The following ZBTB20 variants were observed in gnomAD, a reference collection of about 807,000 sequenced individuals.
The protein encoded by ZBTB20 is zinc finger and BTB domain containing 20.
ZBTB20 carries 9 observed loss-of-function variants against 56.9 expected under a neutral mutation model. The ratio of observed to expected loss-of-function variants is 0.16; its 90% CI spans 0.10 to 0.28. The LOEUF (loss-of-function observed/expected upper bound fraction) is 0.28, where lower values mean the gene tolerates loss of function less well. ZBTB20 is among the 10% of genes least tolerant of loss of function. The pLI is 1.00. For synonymous variants in ZBTB20, 417 were observed against 420.7 expected (o/e 0.99, Z 0.11); for missense variants, 655 against 1,003.0 (o/e 0.65, Z 4.69).
chr3:114,915,818 A>C (rs1268146949), intron 3 of ZBTB20, among the ~76,000 whole-genome samples: 1 of 152,180 alleles, frequency 6.6e-6, no homozygotes, highest in East Asian at 1.9e-4. Context: ...TTCATTGACC[A>C]ACTGATCACT....
At chr3:114,644,162 G>A (rs2059710821) in intron 6 of ZBTB20, among the ~76,000 whole-genome samples, 1 of 152,004 alleles carries the variant, frequency 6.6e-6, no homozygotes, top group African/African-American at 2.4e-5. Flanking sequence ...GATTAAAAAT[G>A]AGAAATTTTA....
intron 5 of ZBTB20, among the ~76,000 whole-genome samples, chr3:114,731,483 G>A (rs2065746707): frequency 6.6e-6 from 1 of 152,056 alleles, no homozygotes; most frequent in Admixed American, 6.6e-5. Flanking sequence ...CTGGACTCAT[G>A]TCATCTGCAA....
intron 7 of ZBTB20, among the ~76,000 whole-genome samples, chr3:114,435,906 A>T (rs902549913): frequency 6.6e-6 from 1 of 152,178 alleles, no homozygotes; most frequent in Non-Finnish European, 1.5e-5. Flanking sequence ...TGGGGCCTAT[A>T]TACTGACTAA....
At chr3:114,498,125 G>T (rs2043497038) in intron 7 of ZBTB20, among the ~76,000 whole-genome samples, 3 of 152,118 alleles carry the variant, frequency 2.0e-5, no homozygotes. Flanking sequence ...AATCTGAATT[G>T]TATAGAGACC....
At chr3:114,554,319 A>AT (rs2050936884) in intron 6 of ZBTB20, among the ~76,000 whole-genome samples, 3 of 152,186 alleles carry the variant, frequency 2.0e-5, no homozygotes, top group Non-Finnish European at 4.4e-5. Flanking sequence ...ATGAGGTAAT[A>AT]TATAATCTTC....
intron 11 of ZBTB20, among the ~76,000 whole-genome samples, chr3:114,347,764 G>A (rs187031201): frequency 7.2e-4 from 109 of 152,292 alleles, no homozygotes; most frequent in Non-Finnish European, 1.1e-3. Context: ...GAATGAAAGG[G>A]AAGAGCATTA....
chr3:114,729,399 T>C (rs2065555475), intron 5 of ZBTB20, among the ~76,000 whole-genome samples: 1 of 152,230 alleles, frequency 6.6e-6, no homozygotes, highest in African/African-American at 2.4e-5. Context: ...CTTTGAAACT[T>C]CTGGAACAAA....
At chr3:115,003,433 T>C (rs2079337041) in intron 2 of ZBTB20, among the ~76,000 whole-genome samples, 1 of 151,424 alleles carries the variant, frequency 6.6e-6, no homozygotes, top group East Asian at 1.9e-4. Context: ...TTGTTTTTTG[T>C]TTGTTTGTTT....
chr3:114,773,144 A>G (rs2069339642), intron 5 of ZBTB20, among the ~76,000 whole-genome samples: 1 of 152,194 alleles, frequency 6.6e-6, no homozygotes, highest in Non-Finnish European at 1.5e-5. Flanking sequence ...ATAAGCATGA[A>G]AGTGGATTTT....
intron 3 of ZBTB20, among the ~76,000 whole-genome samples, chr3:114,970,676 G>A (rs753566125): frequency 1.6e-4 from 25 of 152,112 alleles, no homozygotes; most frequent in African/African-American, 5.8e-4. Context: ...AAGCCAATAA[G>A]GTCACAATCA....
intron 6 of ZBTB20, among the ~76,000 whole-genome samples, chr3:114,568,903 T>C (rs1173621605): frequency 6.6e-6 from 1 of 152,170 alleles, no homozygotes; most frequent in Non-Finnish European, 1.5e-5. Context: ...TTCATTTCTC[T>C]AAGATTCAAA....
At chr3:115,059,768 A>G (rs1469086297) in intron 2 of ZBTB20, among the ~76,000 whole-genome samples, 1 of 152,114 alleles carries the variant, frequency 6.6e-6, no homozygotes, top group Non-Finnish European at 1.5e-5. Context: ...GTACATTATG[A>G]TCAGGAAAGT....
At chr3:114,588,449 A>G (rs2055404401) in intron 6 of ZBTB20, among the ~76,000 whole-genome samples, 1 of 152,192 alleles carries the variant, frequency 6.6e-6, no homozygotes, top group African/African-American at 2.4e-5. Context: ...GGCAAATAAT[A>G]AACTCAGTGA....
rs2079157127 is a variant in ZBTB20, at chr3:114,329,215, GA to G, written c.*9789del. On this transcript the variant is annotated 3_prime_UTR_variant, in exon 12 of 12. Coordinates refer to ENST00000675478, the MANE Select transcript of ZBTB20 (RefSeq NM_001348800.3). ...GGATTAGAAAACAACAATCTATTAGGAAAGATGAAAGGAAGGAATTCCCCAG... is the reference window on the plus strand; with the variant it reads ...GGATTAGAAAACAACAATCTATTAGGAAGATGAAAGGAAGGAATTCCCCAG... 6.6e-6 allele frequency: 1 copy of G among 152,186 alleles called. No individual in the cohort carries two copies. The highest frequency in any genetic ancestry group is 2.4e-5 in the African/African-American group (1 of 41,436). 9.4% of individuals were successfully genotyped at this position (152,186 alleles called of 1,614,324 possible). A position where few individuals can be genotyped will look rare whatever the true frequency, so the allele number is the denominator to read the frequency against.
At chr3:115,062,148 G>C (rs1019233385) in intron 2 of ZBTB20, among the ~76,000 whole-genome samples, 1 of 152,104 alleles carries the variant, frequency 6.6e-6, no homozygotes, top group Admixed American at 6.6e-5. Flanking sequence ...CAGCCCCTTT[G>C]CCCTTCACTG....
At chr3:114,593,078 A>G (rs2107574899) in intron 6 of ZBTB20, among the ~76,000 whole-genome samples, 1 of 152,320 alleles carries the variant, frequency 6.6e-6, no homozygotes, top group South Asian at 2.1e-4. Flanking sequence ...TTATGGAGAC[A>G]TGTACAGCTA....
intron 2 of ZBTB20, among the ~76,000 whole-genome samples, chr3:115,035,570 C>A (rs932433937): frequency 4.6e-5 from 7 of 151,518 alleles, no homozygotes; most frequent in East Asian, 1.9e-4. Flanking sequence ...CACACACACA[C>A]AAAACAAGTT....
intron 5 of ZBTB20, among the ~76,000 whole-genome samples, chr3:114,786,436 T>G (rs1387979526): frequency 6.6e-6 from 1 of 152,084 alleles, no homozygotes; most frequent in Non-Finnish European, 1.5e-5. Context: ...AATGATGGTT[T>G]TCAGCTTCTT....
rs1039597301 is a variant in ZBTB20, at chr3:114,769,672, T to C, written c.-343+31429A>G. On this transcript the variant is annotated intron_variant, in intron 5 of 11. Coordinates refer to ENST00000675478, the MANE Select transcript of ZBTB20 (RefSeq NM_001348800.3). ...TGACCTGGATGAGATTGGAGACTAT[T>C]ATTCTAAGTGAAGTAACTCCAGAAT... 8.0e-5 allele frequency among the ~76,000 whole-genome samples: 12 copies of C among 150,792 alleles called. 1 individual carries two copies. Among genetic ancestry groups the C allele is most frequent in the Admixed American group, 2.0e-4 (3 of 15,128 alleles).
Sources: gnomAD v4.1 joint callset for allele counts (sites outside exome capture counted in the v4.1 genomes callset) on GRCh38, gnomAD v4.1.1 for gene constraint, MANE v1.5 for transcripts, NCBI Gene and HGNC (gene_info 2026-07-23, HGNC 2026-07-21) for gene names.